RAB3GAP2: variants seen among roughly 807,000 people sequenced by gnomAD.
RAB3GAP2 encodes the protein rab3 GTPase-activating protein non-catalytic subunit.
A neutral mutation model predicts 185.3 loss-of-function variants in RAB3GAP2; 87 were observed. The observed-to-expected ratio is 0.47, with a 90% CI of 0.39 to 0.56. The LOEUF (loss-of-function observed/expected upper bound fraction) is 0.56, where lower values mean the gene tolerates loss of function less well. Ranked by LOEUF, RAB3GAP2 falls within the 20% of genes least tolerant of loss-of-function variation. The pLI, the probability that RAB3GAP2 is intolerant of heterozygous loss-of-function variation, is 0.00. For synonymous variants in RAB3GAP2, 554 were observed against 576.1 expected, an observed-to-expected ratio of 0.96 and a Z score of 0.55; for missense variants, 1,492 against 1,638.2, an observed-to-expected ratio of 0.91 and a Z score of 1.54.
chr1:220,238,306 A>C (rs893343852), intron 1 of RAB3GAP2, among the ~76,000 whole-genome samples: 1 of 152,148 alleles, frequency 6.6e-6, no homozygotes. Context: ...TTTCCTAGTC[A>C]CATTCCAAGT....
Position 220,184,150 on chromosome 1 carries a change from A to G in RAB3GAP2, c.1884T>C (p.Val628=), listed in dbSNP as rs1658467917. 11 of 1,610,660 alleles carry G rather than the reference A, an allele frequency of 6.8e-6. No individual in the cohort carries two copies. The highest frequency in any genetic ancestry group is 1.7e-5 in the Admixed American group (1 of 59,962). Residue 628 remains valine (V), a synonymous_variant, in exon 19 of 35, where the codon GTT becomes GTC. Transcript: ENST00000358951. ...CACAAAACTGTAGCAATCCTTCATCAACAGACTCAAGTTCTAAAAGGCAGA... is the reference window on the plus strand; with the variant it reads ...CACAAAACTGTAGCAATCCTTCATCGACAGACTCAAGTTCTAAAAGGCAGA... ...DTLKSQELES[V]DEGLLQFCAN...
intron 1 of RAB3GAP2, chr1:220,253,714 T>C: frequency 6.2e-7 from 1 of 1,610,010 alleles, no homozygotes; most frequent in Non-Finnish European, 8.5e-7. Context: ...TTACAGTGGT[T>C]GGAATAAAAA....
intron 33 of RAB3GAP2, among the ~76,000 whole-genome samples, chr1:220,152,257 A>C (rs1224964008): frequency 2.0e-5 from 3 of 152,122 alleles, no homozygotes; most frequent in African/African-American, 7.2e-5. Context: ...TTGTATTTTC[A>C]GTAGAGACAG....
intron 28 of RAB3GAP2, among the ~76,000 whole-genome samples, chr1:220,159,698 C>T (rs1393675043): frequency 6.6e-6 from 1 of 152,052 alleles, no homozygotes; most frequent in Non-Finnish European, 1.5e-5. Context: ...AAAATCTGTA[C>T]AGTCAAATAA....
chr1:220,168,156 G>A (rs909591789), intron 24 of RAB3GAP2, among the ~76,000 whole-genome samples: 3 of 152,200 alleles, frequency 2.0e-5, no homozygotes, highest in East Asian at 3.9e-4. Context: ...GTAGTGGTGC[G>A]ATCTCAGCTC....
rs372216761 is a variant in RAB3GAP2 at position 220,190,424 on chromosome 1, C to T, written c.1584G>A (p.Val528=). 36 of 1,613,976 alleles carry T rather than the reference C, an allele frequency of 2.2e-5. No homozygotes were observed. The highest frequency in any genetic ancestry group is 2.8e-5 in the Non-Finnish European group (33 of 1,179,962). ...CGTTCACTGTTTTCACACTTCCAGA[C>T]ACTGGATCAACCAGACAGATCTGAT... is the stretch of plus-strand genomic sequence containing the variant. ...QTYQICLVDP[V]SGSVKTVNVP... is the part of the protein sequence containing the mutation. Residue 528 remains valine, a synonymous_variant, in exon 15 of 35, where the codon GTG becomes GTA. Transcript: ENST00000358951.
chr1:220,182,631 A>G, intron 20 of RAB3GAP2, 87 bp downstream of exon 20: 1 of 1,278,168 alleles, frequency 7.8e-7, no homozygotes, highest in South Asian at 1.5e-5. Flanking sequence ...TTTCAAAACA[A>G]ATGGAATCTC....
At chr1:220,254,232 A>G in intron 1 of RAB3GAP2, 1 of 1,613,592 alleles carries the variant, frequency 6.2e-7, no homozygotes. Context: ...TGGCAGGGAT[A>G]AAAGAATACT....
chr1:220,243,409 T>C (rs1413930406), intron 1 of RAB3GAP2, among the ~76,000 whole-genome samples: 3 of 152,038 alleles, frequency 2.0e-5, no homozygotes, highest in East Asian at 3.9e-4. Flanking sequence ...ACGCAAAGCA[T>C]TGCTCTAAGC....
chr1:220,151,306 C>T lies in RAB3GAP2; in HGVS notation c.4127G>A (p.Gly1376Asp). 6.2e-7 allele frequency: 1 copy of T among 1,614,022 alleles called. No homozygotes were observed. The highest frequency in any genetic ancestry group is 1.1e-5 in the South Asian group (1 of 91,076). ...AGCTTCAATGAGGTGTAAGGCTAGA[C>T]CATATTGCCCATGTTTTTCTGGTAA... ...ELLPEKHGQY[G>D]LALHLIEAVE... Residue 1376 changes from glycine (G) to aspartate (D), a missense_variant, in exon 35 of 35, where the codon GGT becomes GAT. Physicochemically the swap from Gly to Asp is moderately conservative, Grantham distance 94. Coordinates refer to ENST00000358951, the MANE Select transcript of RAB3GAP2 (RefSeq NM_012414.4).
intron 1 of RAB3GAP2, among the ~76,000 whole-genome samples, chr1:220,243,712 C>T (rs1659742865): frequency 6.6e-6 from 1 of 152,170 alleles, no homozygotes; most frequent in Non-Finnish European, 1.5e-5. Flanking sequence ...TCTCTATTAG[C>T]ATAACACGTT....
At chr1:220,184,202 T>C (rs1467034721) in intron 18 of RAB3GAP2, 39 bp from the exon 19 acceptor site, 2 of 1,543,482 alleles carry the variant, frequency 1.3e-6, no homozygotes, top group South Asian at 1.1e-5. Context: ...AGAGATATAT[T>C]TAACAGACTC....
rs77154350 is a variant in RAB3GAP2 at position 220,262,810 on chromosome 1, C to A, written c.115+9413G>T. Among the ~76,000 whole-genome samples the A allele has an allele frequency of 2.0e-3, 307 of 152,306 alleles. 6 individuals are homozygous for A. In the East Asian group the frequency reaches 0.051, roughly 25 times the overall value. The stretch of plus-strand genomic sequence containing the variant: ...TCTCTTCAAGACCCTGCTTTCAATT[C>A]TGCTGTATATACACCTTGAAGTGAT... On this transcript the variant is annotated intron_variant, in intron 1 of 34. Transcript: ENST00000358951.
intron 2 of RAB3GAP2, among the ~76,000 whole-genome samples, chr1:220,221,739 A>T (rs557511887): frequency 1.3e-5 from 2 of 152,320 alleles, no homozygotes; most frequent in South Asian, 2.1e-4. Flanking sequence ...TACTTTAAAA[A>T]TTTTCTTTCT....
intron 12 of RAB3GAP2, among the ~76,000 whole-genome samples, chr1:220,193,680 C>T (rs1235860064): frequency 6.6e-6 from 1 of 152,154 alleles, no homozygotes; most frequent in Non-Finnish European, 1.5e-5. Context: ...ACAATGTCCT[C>T]ACCATCAACT....
chr1:220,228,992 A>G (rs1659452025), intron 2 of RAB3GAP2, among the ~76,000 whole-genome samples: 1 of 152,224 alleles, frequency 6.6e-6, no homozygotes, highest in African/African-American at 2.4e-5. Context: ...TACATTGTTT[A>G]AAAGATCCTT....
At chr1:220,254,345 G>A in intron 1 of RAB3GAP2, 1 of 1,613,522 alleles carries the variant, frequency 6.2e-7, no homozygotes, top group African/African-American at 1.3e-5. Flanking sequence ...CAGGTGTATG[G>A]AGCGCCACAT....
intron 1 of RAB3GAP2, chr1:220,267,864 G>A: frequency 2.0e-6 from 2 of 979,290 alleles, no homozygotes; most frequent in African/African-American, 1.6e-5. Flanking sequence ...ACCTCCAACT[G>A]GAGTTTTAGC....
chr1:220,253,740 T>C, intron 1 of RAB3GAP2: 1 of 1,611,724 alleles, frequency 6.2e-7, no homozygotes, highest in Non-Finnish European at 8.5e-7. Flanking sequence ...ATGAGTGGGT[T>C]CCGGAGAGCA....
Sources: allele counts gnomAD v4.1 joint callset (sites outside exome capture counted in the v4.1 genomes callset), GRCh38; gene constraint gnomAD v4.1.1; transcripts MANE v1.5; gene names NCBI Gene and HGNC (gene_info 2026-07-23, HGNC 2026-07-21).